MED17: variants seen among roughly 807,000 people sequenced by gnomAD.
MED17 encodes the protein mediator complex subunit 17.
A neutral mutation model predicts 80.8 loss-of-function variants in MED17; 49 were observed. That is an observed-to-expected ratio of 0.61 (90% CI 0.48 to 0.77). The LOEUF is 0.77. Among genes scored for constraint, MED17 ranks in the 30% least tolerant of loss-of-function variants. The pLI is 0.00. For missense variants in MED17, 718 were observed against 787.0 expected (o/e 0.91, Z 1.05); for synonymous variants, 281 against 280.4 (o/e 1.00, Z -0.02).
rs1407202089 is a variant in MED17 at position 93,797,405 on chromosome 11, C to T, written c.1144-130C>T. On this transcript the variant is annotated intron_variant, in intron 7 of 11. Transcript: ENST00000251871. ...CCTAGTAGTTGCTAGCATTTTTCTC[C>T]AAGGTTGGATTGTTTTCATATGTGG... 5 of 883,176 alleles carry T rather than the reference C, an allele frequency of 5.7e-6. No homozygotes were observed. The Admixed American group carries it at 8.1e-5, about 14-fold the overall frequency. 54.7% of individuals were successfully genotyped at this position (883,176 alleles called of 1,614,324 possible). A position where few individuals can be genotyped will look rare whatever the true frequency, so the allele number is the denominator to read the frequency against.
intron 2 of MED17, chr11:93,788,402 C>G: frequency 5.0e-6 from 2 of 396,764 alleles, no homozygotes; most frequent in Non-Finnish European, 9.3e-6. Flanking sequence ...ACCTTTAAGG[C>G]CAGGCGTGGT....
chr11:93,787,890 A>C, intron 1 of MED17, 111 bp from the exon 2 acceptor site: 1 of 932,034 alleles, frequency 1.1e-6, no homozygotes, highest in Non-Finnish European at 1.7e-6. Flanking sequence ...GAACAATTTG[A>C]AATTTAATTA....
At position 93,812,628 on chromosome 11, in the gene MED17, A is replaced by T. The variant is rs1944095273; in HGVS notation, c.*564A>T. ...TAATTTTTGTATTTTTTATAAAGAC[A>T]GGGTTTTTCCATGTTGCCCAGGCTG... On this transcript the variant is annotated 3_prime_UTR_variant, in exon 12 of 12. Transcript: ENST00000251871. The T allele has an allele frequency of 6.4e-6, 1 of 156,226 alleles. No homozygotes were observed. The highest frequency in any genetic ancestry group is 1.4e-5 in the Non-Finnish European group (1 of 71,008). The allele number at this position is 156,226 out of a possible 1,614,324, so 9.7% of individuals were successfully genotyped here. A position where few individuals can be genotyped will look rare whatever the true frequency, so the allele number is the denominator to read the frequency against.
At chr11:93,787,630 CA>C (rs1273042683) in intron 1 of MED17, among the ~76,000 whole-genome samples, 6 of 152,082 alleles carry the variant, frequency 3.9e-5, no homozygotes, top group African/African-American at 7.2e-5. Context: ...GGCTGGCTTA[CA>C]GGTCATTTTC....
At chr11:93,787,945 G>C (rs1943786762) in intron 1 of MED17, 56 bp from the exon 2 acceptor site, 5 of 1,418,954 alleles carry the variant, frequency 3.5e-6, no homozygotes, top group Non-Finnish European at 5.0e-6. Context: ...TGAGCTGTCT[G>C]CCATTCAATG....
At position 93,793,710 on chromosome 11, in the gene MED17, T is replaced by C. The variant is rs768074619; in HGVS notation, c.638-18T>C. ...ATGTTAACTGTTTTATATTTTCCTA[T>C]TTTTAATACAACATTAGGATCTCTC... On this transcript the variant is annotated intron_variant, in intron 3 of 11. Coordinates refer to ENST00000251871, the MANE Select transcript of MED17 (RefSeq NM_004268.5). 8.0e-6 allele frequency: 12 copies of C among 1,507,996 alleles called. No individual in the cohort carries two copies. Among genetic ancestry groups the C allele is most frequent in the Non-Finnish European group, 1.1e-5 (12 of 1,086,172 alleles). The allele number at this position is 1,507,996 out of a possible 1,614,324, so 93.4% of individuals were successfully genotyped here.
chr11:93,785,066 A>G (rs758626348), intron 1 of MED17: 9 of 486,260 alleles, frequency 1.9e-5, no homozygotes, highest in Non-Finnish European at 2.9e-5. Flanking sequence ...CTTAGTGGCT[A>G]AAAGAGCCCT....
At position 93,813,137 on chromosome 11, in the gene MED17, T is replaced by C. The variant is rs895609583; in HGVS notation, c.*1073T>C. 2.0e-4 allele frequency: 31 copies of C among 152,220 alleles called. No homozygotes were observed. The highest frequency in any genetic ancestry group is 7.5e-4 in the African/African-American group (31 of 41,464). The allele number at this position is 152,220 out of a possible 1,614,324, so 9.4% of individuals were successfully genotyped here. On this transcript the variant is annotated 3_prime_UTR_variant, in exon 12 of 12. Coordinates refer to ENST00000251871, the MANE Select transcript of MED17 (RefSeq NM_004268.5). Reference sequence around the variant, plus strand: ...TAAAGTGTGCCCATTAATATGAGGATAGATTTAGGCTCATAAGCCTTTTGG... The same window carrying C: ...TAAAGTGTGCCCATTAATATGAGGACAGATTTAGGCTCATAAGCCTTTTGG...
At position 93,797,495 on chromosome 11, in the gene MED17, C is replaced by G. The variant is rs776183710; in HGVS notation, c.1144-40C>G. 11 of 1,534,480 alleles carry G rather than the reference C, an allele frequency of 7.2e-6. No individual in the cohort carries two copies. In the Admixed American group the frequency reaches 1.0e-4, roughly 14 times the overall value. On this transcript the variant is annotated intron_variant, in intron 7 of 11. Coordinates refer to ENST00000251871, the MANE Select transcript of MED17 (RefSeq NM_004268.5). Reference sequence around the variant, plus strand: ...TTGACTAAATATTATGTAGCATTTACTATGTGGATATTGGTATTTAAAATG... The same window carrying G: ...TTGACTAAATATTATGTAGCATTTAGTATGTGGATATTGGTATTTAAAATG...
At chr11:93,803,472 T>TTA (rs1943983769) in intron 9 of MED17, among the ~76,000 whole-genome samples, 1 of 152,136 alleles carries the variant, frequency 6.6e-6, no homozygotes, top group Non-Finnish European at 1.5e-5. Context: ...TTCTTCCCCT[T>TTA]ATCTAAAGAA....
rs1032352885 is a variant in MED17 at position 93,807,959 on chromosome 11, G to T, written c.1584+324G>T. On this transcript the variant is annotated intron_variant, in intron 10 of 11. Coordinates refer to ENST00000251871, the MANE Select transcript of MED17 (RefSeq NM_004268.5). ...GGTTTACAACATCTCCAGAGTTGTT[G>T]TAGAAAGTGAAGAAAACTAGAGAAA... is the stretch of plus-strand genomic sequence containing the variant. The T allele has an allele frequency of 1.2e-5, 4 of 345,976 alleles. No homozygotes were observed. In the Admixed American group the frequency reaches 1.7e-4, roughly 15 times the overall value. The allele number at this position is 345,976 out of a possible 1,614,324, so 21.4% of individuals were successfully genotyped here.
Position 93,793,920 on chromosome 11 carries a change from G to A in MED17, c.775-31G>A, listed in dbSNP as rs199658842. ...CTTACGAATAGCCTGAAGTTAATTT[G>A]TTAACTTTTTTTGTTTTTGTTGTCA... On this transcript the variant is annotated intron_variant, in intron 4 of 11. Transcript: ENST00000251871. 2.9e-5 allele frequency: 47 copies of A among 1,612,316 alleles called. 1 individual carries two copies. The African/African-American group carries it at 5.2e-4, about 18-fold the overall frequency.
rs754273143 is a variant in MED17 at position 93,809,753 on chromosome 11, G to A, written c.1621G>A (p.Ala541Thr). 8 of 1,614,008 alleles carry A rather than the reference G, an allele frequency of 5.0e-6. No individual in the cohort carries two copies. The highest frequency in any genetic ancestry group is 4.5e-5 in the East Asian group (2 of 44,890). ...CCAGGTACATGCAGTTCAGCAACTC[G>A]CCAAGGTTATGGGCTGGCAAGTACT... ...QHQVHAVQQL[A>T]KVMGWQVLSF... Residue 541 changes from alanine (A) to threonine (T), a missense_variant, in exon 11 of 12, where the codon GCC becomes ACC. Physicochemically the swap from Ala to Thr is moderately conservative, Grantham distance 58. Coordinates refer to ENST00000251871, the MANE Select transcript of MED17 (RefSeq NM_004268.5).
At chr11:93,799,344 T>G (rs1943937941) in intron 8 of MED17, among the ~76,000 whole-genome samples, 1 of 152,150 alleles carries the variant, frequency 6.6e-6, no homozygotes, top group South Asian at 2.1e-4. Context: ...CCTGGCTCAT[T>G]TTTGTATTTT....
At chr11:93,800,496 G>A (rs917427822) in intron 8 of MED17, among the ~76,000 whole-genome samples, 1 of 151,922 alleles carries the variant, frequency 6.6e-6, no homozygotes, top group African/African-American at 2.4e-5. Flanking sequence ...AGGCGTGGTG[G>A]CACACGCCTG....
intron 1 of MED17, among the ~76,000 whole-genome samples, chr11:93,787,128 C>A (rs615428): frequency 3.8e-4 from 58 of 152,074 alleles, no homozygotes; most frequent in African/African-American, 1.4e-3. Context: ...GGTACACTCA[C>A]TGGGGCCGGG....
In MED17 at chr11:93,790,578, C is replaced by G; in HGVS notation, c.422C>G (p.Pro141Arg). 6.2e-7 allele frequency: 1 copy of G among 1,613,788 alleles called. No individual in the cohort carries two copies. Among genetic ancestry groups the G allele is most frequent in the Non-Finnish European group, 8.5e-7 (1 of 1,179,844 alleles). The change falls in exon 3 of 12, where the codon CCT becomes CGT. Residue 141 changes from proline (P) to arginine (R), a missense_variant. Physicochemically the swap from Pro to Arg is moderately radical, Grantham distance 103. Transcript: ENST00000251871. ...SQDALPPKQN[P>R]QTLQLISKKK... ...TGTTTGGGTTGTTTTTGACAGAATC[C>G]TCAGACGTTGCAATTGATATCTAAA...
chr11:93,799,288 G>A (rs1164596919), intron 8 of MED17, among the ~76,000 whole-genome samples: 8 of 150,424 alleles, frequency 5.3e-5, no homozygotes, highest in South Asian at 2.1e-4. Context: ...CGATCATCCC[G>A]CCTCAGCCTC....
At chr11:93,797,499 G>A (rs1314384873) in intron 7 of MED17, 36 bp from the exon 8 acceptor site, 1 of 1,555,178 alleles carries the variant, frequency 6.4e-7, no homozygotes, top group South Asian at 1.1e-5. Flanking sequence ...CATTTACTAT[G>A]TGGATATTGG....
Sources: allele counts gnomAD v4.1 joint callset (sites outside exome capture counted in the v4.1 genomes callset), GRCh38; gene constraint gnomAD v4.1.1; transcripts MANE v1.5; gene names NCBI Gene and HGNC (gene_info 2026-07-23, HGNC 2026-07-21).